The following CASTOR2 variants were observed in gnomAD, a reference collection of about 807,000 sequenced individuals.
The protein encoded by CASTOR2 is cytosolic arginine sensor for mTORC1 subunit 2.
In CASTOR2, 8 loss-of-function variants were observed where a neutral mutation model predicts 31.2. The observed-to-expected ratio is 0.26, with a 90% CI of 0.15 to 0.46. CASTOR2 has a LOEUF of 0.46. CASTOR2 is among the 20% of genes least tolerant of loss of function. CASTOR2 has a pLI of 0.99. For synonymous variants in CASTOR2, 162 were observed against 158.7 expected (o/e 1.02, Z -0.16); for missense variants, 216 against 382.1 (o/e 0.57, Z 3.62).
At chr7:74,987,736 T>C (rs1417706481) in intron 1 of CASTOR2, among the ~76,000 whole-genome samples, 7 of 152,292 alleles carry the variant, frequency 4.6e-5, no homozygotes, top group Non-Finnish European at 5.9e-5. Context: ...TTATTTTTTT[T>C]CGAGACAGAG....
intron 1 of CASTOR2, among the ~76,000 whole-genome samples, chr7:75,001,164 C>G (rs1322484414): frequency 6.6e-6 from 1 of 152,172 alleles, no homozygotes; most frequent in Non-Finnish European, 1.5e-5. Context: ...GCAACCTCCG[C>G]CTCCCAGGCC....
At chr7:74,988,977 T>TTA (rs1490253764) in intron 1 of CASTOR2, among the ~76,000 whole-genome samples, 13 of 151,484 alleles carry the variant, frequency 8.6e-5, no homozygotes, top group South Asian at 2.1e-4. Context: ...TTTTTTTTTT[T>TTA]TGAGACGGAG....
intron 1 of CASTOR2, among the ~76,000 whole-genome samples, chr7:74,971,655 A>G (rs1803679650): frequency 2.2e-5 from 1 of 46,312 alleles, no homozygotes; most frequent in African/African-American, 9.8e-5. Flanking sequence ...TCATGGACCA[A>G]TCAGGATTCA....
chr7:75,010,416 TAG>T (rs1368019789), intron 2 of CASTOR2, among the ~76,000 whole-genome samples: 13 of 151,870 alleles, frequency 8.6e-5, no homozygotes, highest in African/African-American at 3.1e-4. Flanking sequence ...TGAGTTGGGG[TAG>T]AGTCTCCTGG....
chr7:75,017,683 C>T lies in CASTOR2; in HGVS notation c.270C>T (p.Ser90=). 1.9e-6 allele frequency: 3 copies of T among 1,614,056 alleles called. No individual in the cohort carries two copies. The highest frequency in any genetic ancestry group is 2.5e-6 in the Non-Finnish European group (3 of 1,179,882). The change falls in exon 3 of 9, where the codon AGC becomes AGT. Residue 90 remains serine (S), a synonymous_variant. Transcript: ENST00000616305. ...TGTCCGGCGGTGGCAGCTTCTCCAG[C>T]TCCCAGCCCATCGGCGTGACCAAGA... The part of the protein sequence containing the change: ...NVVSGGGSFS[S]SQPIGVTKIA...
At chr7:75,005,086 C>T (rs1436919951) in intron 1 of CASTOR2, among the ~76,000 whole-genome samples, 13 of 151,916 alleles carry the variant, frequency 8.6e-5, no homozygotes, top group Admixed American at 3.3e-4. Flanking sequence ...AGGCTGGTCT[C>T]GAACTCCTGA....
At chr7:75,018,852 G>A (rs1235045561) in intron 4 of CASTOR2, 120 bp from the exon 5 acceptor site, 67 of 1,486,748 alleles carry the variant, frequency 4.5e-5, no homozygotes, top group Non-Finnish European at 6.0e-5. Context: ...AAGCAGCGGT[G>A]AATGAGTCTC....
chr7:74,993,474 C>T (rs1554437569), intron 1 of CASTOR2, among the ~76,000 whole-genome samples: 1 of 116,440 alleles, frequency 8.6e-6, no homozygotes, highest in African/African-American at 3.4e-5. Flanking sequence ...TTTTTGAGAG[C>T]GAGTCTCACT....
At chr7:74,970,944 T>A (rs1298844594) in intron 1 of CASTOR2, among the ~76,000 whole-genome samples, 1 of 149,466 alleles carries the variant, frequency 6.7e-6, no homozygotes, top group Non-Finnish European at 1.5e-5. Context: ...TGAAAAATAA[T>A]AAAAAAAGAA....
In CASTOR2 at chr7:75,021,971, G is replaced by T; in HGVS notation, c.829+15G>T. 6.4e-7 allele frequency: 1 copy of T among 1,551,454 alleles called. No individual in the cohort carries two copies. The highest frequency in any genetic ancestry group is 8.7e-7 in the Non-Finnish European group (1 of 1,146,770). ...CCTGGGGTTTGGTGAGTCCTGGGGG[G>T]ATTACATGGGGAATTGAGGGAGCTG... On this transcript the variant is annotated intron_variant, in intron 7 of 8. Transcript: ENST00000616305.
intron 1 of CASTOR2, among the ~76,000 whole-genome samples, chr7:74,993,806 A>T (rs1386542807): frequency 1.3e-5 from 2 of 151,980 alleles, no homozygotes; most frequent in Non-Finnish European, 2.9e-5. Flanking sequence ...AGATTAAAAA[A>T]AAAAAAAAAA....
At position 74,978,128 on chromosome 7, in the gene CASTOR2, C is replaced by T. The variant is rs1190282050; in HGVS notation, c.113+13030C>T. On this transcript the variant is annotated intron_variant, in intron 1 of 8. Coordinates refer to ENST00000616305, the MANE Select transcript of CASTOR2 (RefSeq NM_001145064.3). ...AATTTTTTTTTTTTTTTTTTGGAGA[C>T]AGGGTCTTGCTGTCACCCAGGCTGG... 3.8e-4 allele frequency among the ~76,000 whole-genome samples: 54 copies of T among 143,076 alleles called. 1 individual carries two copies. The East Asian group carries it at 9.7e-3, about 26-fold the overall frequency. The allele number at this position is 143,076 out of a possible 152,430, so 93.9% of individuals were successfully genotyped here.
intron 7 of CASTOR2, among the ~76,000 whole-genome samples, chr7:75,023,315 G>GA (rs1237575458): frequency 1.4e-4 from 20 of 145,858 alleles, no homozygotes; most frequent in South Asian, 2.2e-4. Flanking sequence ...CTCAAAAAAA[G>GA]AAAAAAAAAA....
Position 75,030,258 on chromosome 7 carries a change from AGAGT to A in CASTOR2, c.*5561_*5564del, listed in dbSNP as rs1355331090. 2.0e-5 allele frequency among the ~76,000 whole-genome samples: 3 copies of A among 152,238 alleles called. No homozygotes were observed. Among genetic ancestry groups the A allele is most frequent in the Non-Finnish European group, 2.9e-5 (2 of 68,036 alleles). On this transcript the variant is annotated 3_prime_UTR_variant, in exon 9 of 9. Transcript: ENST00000616305. Reference sequence around the variant, plus strand: ...GAGCGTGGATGTGTTCCTATGCATTAGAGTGTGTGCGTGCACGTGTGCAGAGCCC... The same window carrying A: ...GAGCGTGGATGTGTTCCTATGCATTAGTGTGCGTGCACGTGTGCAGAGCCC...
chr7:74,988,343 G>A (rs1201496247), intron 1 of CASTOR2, among the ~76,000 whole-genome samples: 4 of 151,918 alleles, frequency 2.6e-5, no homozygotes, highest in Non-Finnish European at 5.9e-5. Context: ...TGTCGCCCAG[G>A]CTGGAGTGCA....
At chr7:74,967,534 T>C (rs1338150561) in intron 1 of CASTOR2, among the ~76,000 whole-genome samples, 1 of 123,434 alleles carries the variant, frequency 8.1e-6, no homozygotes, top group Admixed American at 9.7e-5. Context: ...GCCACCTGTT[T>C]ACTTTTTTTT....
chr7:75,009,208 G>A lies in CASTOR2; in HGVS notation c.184+1144G>A, dbSNP rs1248241476. Reference sequence around the variant, plus strand: ...CCTGACCTCATGATCCACCCGCCTCGTCCTCCCAAAGTGCTGAGATTACAG... The same window carrying A: ...CCTGACCTCATGATCCACCCGCCTCATCCTCCCAAAGTGCTGAGATTACAG... On this transcript the variant is annotated intron_variant, in intron 2 of 8. Coordinates refer to ENST00000616305, the MANE Select transcript of CASTOR2 (RefSeq NM_001145064.3). Among the ~76,000 whole-genome samples the A allele has an allele frequency of 2.8e-5, 4 of 143,814 alleles. No homozygotes were observed. The South Asian group carries it at 8.9e-4, about 32-fold the overall frequency. 94.3% of individuals were successfully genotyped at this position (143,814 alleles called of 152,430 possible).
At chr7:75,000,539 C>A (rs1260780841) in intron 1 of CASTOR2, among the ~76,000 whole-genome samples, 12 of 152,198 alleles carry the variant, frequency 7.9e-5, no homozygotes, top group Non-Finnish European at 1.3e-4. Context: ...GCGCCCATAA[C>A]ATCCAAGACA....
chr7:74,981,655 G>A (rs1803947913), intron 1 of CASTOR2, among the ~76,000 whole-genome samples: 1 of 150,362 alleles, frequency 6.7e-6, no homozygotes, highest in Non-Finnish European at 1.5e-5. Context: ...TTGAACTCCT[G>A]GGCTCAGACA....
Sources: gnomAD v4.1 joint callset for allele counts (sites outside exome capture counted in the v4.1 genomes callset) on GRCh38, gnomAD v4.1.1 for gene constraint, MANE v1.5 for transcripts, NCBI Gene and HGNC (gene_info 2026-07-23, HGNC 2026-07-21) for gene names.